The following GRID2 variants were observed in gnomAD, a reference collection of about 807,000 sequenced individuals.
GRID2 encodes the protein glutamate ionotropic receptor delta type subunit 2, also known as glutamate receptor ionotropic, delta-2.
GRID2 carries 33 observed loss-of-function variants against 114.8 expected under a neutral mutation model. The ratio of observed to expected loss-of-function variants is 0.29; its 90% CI spans 0.22 to 0.38. The LOEUF (loss-of-function observed/expected upper bound fraction) is 0.38. GRID2 is among the 10% of genes least tolerant of loss of function. The probability of loss-of-function intolerance (pLI) is 1.00; values close to 1 mark genes in which losing one functional copy is unlikely to be tolerated. For synonymous variants in GRID2, 505 were observed against 449.9 expected, an observed-to-expected ratio of 1.12 and a Z score of -1.55; for missense variants, 1,184 against 1,257.7, an observed-to-expected ratio of 0.94 and a Z score of 0.89.
chr4:93,507,874 G>T lies in GRID2; in HGVS notation c.1998-7342G>T, dbSNP rs113645390. Among the ~76,000 whole-genome samples, 354 of 152,244 alleles carry T rather than the reference G, an allele frequency of 2.3e-3. 2 individuals are homozygous for T. Among genetic ancestry groups the T allele is most frequent in the African/African-American group, 8.0e-3 (331 of 41,552 alleles). Reference sequence around the variant, plus strand: ...CATATGTGGCAAAATATTATGACAGGCAATTCACTGGAGGTTCAATGAAGC... The same window carrying T: ...CATATGTGGCAAAATATTATGACAGTCAATTCACTGGAGGTTCAATGAAGC... On this transcript the variant is annotated intron_variant, in intron 12 of 15. Transcript: ENST00000282020.
intron 2 of GRID2, among the ~76,000 whole-genome samples, chr4:93,058,392 T>C (rs1163915275): frequency 6.6e-6 from 1 of 152,004 alleles, no homozygotes; most frequent in Non-Finnish European, 1.5e-5. Context: ...TTTTAAATAT[T>C]TTTCTATTTT....
chr4:92,660,137 CAA>C (rs1179363832), intron 2 of GRID2, among the ~76,000 whole-genome samples: 6 of 151,224 alleles, frequency 4.0e-5, no homozygotes, highest in African/African-American at 1.5e-4. Context: ...ATCATGCATG[CAA>C]TATTCATTTT....
intron 1 of GRID2, among the ~76,000 whole-genome samples, chr4:93,780,117 T>G (rs577199644): frequency 2.0e-4 from 31 of 152,216 alleles, no homozygotes; most frequent in Non-Finnish European, 4.0e-4. Context: ...AGGTGGTAAG[T>G]GCTGTGGAGG....
chr4:92,579,099 G>A (rs1037416799), intron 1 of GRID2, among the ~76,000 whole-genome samples: 4 of 151,978 alleles, frequency 2.6e-5, no homozygotes, highest in Non-Finnish European at 4.4e-5. Flanking sequence ...TTTCCCTTAT[G>A]TACTTCAACT....
intron 8 of GRID2, chr4:93,258,910 AC>A (rs1293961387): frequency 2.2e-6 from 1 of 455,548 alleles, no homozygotes; most frequent in Non-Finnish European, 4.4e-6. Flanking sequence ...AAAGAATCAG[AC>A]CACAGGGCTC....
chr4:92,352,790 T>C (rs1413204460), intron 1 of GRID2, among the ~76,000 whole-genome samples: 1 of 151,858 alleles, frequency 6.6e-6, no homozygotes, highest in Non-Finnish European at 1.5e-5. Flanking sequence ...GTAGCAGGTG[T>C]TCTTTGTCTG....
chr4:92,764,032 G>A (rs1738145237), intron 2 of GRID2, among the ~76,000 whole-genome samples: 1 of 152,170 alleles, frequency 6.6e-6, no homozygotes, highest in African/African-American at 2.4e-5. Flanking sequence ...AGACTCATCA[G>A]GAACCAGCCT....
chr4:92,796,738 T>C (rs145372288), intron 2 of GRID2, among the ~76,000 whole-genome samples: 12 of 152,018 alleles, frequency 7.9e-5, no homozygotes, highest in African/African-American at 2.9e-4. Context: ...TCTCCTGATA[T>C]CATTCTGTAC....
intron 8 of GRID2, among the ~76,000 whole-genome samples, chr4:93,311,873 T>A (rs1756055743): frequency 6.6e-6 from 1 of 152,200 alleles, no homozygotes; most frequent in Non-Finnish European, 1.5e-5. Flanking sequence ...GTTTTGGTGA[T>A]GTTATTGAGG....
intron 2 of GRID2, among the ~76,000 whole-genome samples, chr4:92,642,581 T>A (rs2149254644): frequency 6.6e-6 from 1 of 152,002 alleles, no homozygotes; most frequent in African/African-American, 2.4e-5. Context: ...TTCCGTAGGT[T>A]GTCTGTTTAC....
intron 14 of GRID2, among the ~76,000 whole-genome samples, chr4:93,733,472 G>A (rs1484627673): frequency 6.6e-6 from 1 of 152,094 alleles, no homozygotes; most frequent in East Asian, 1.9e-4. Context: ...TAAAACAAAG[G>A]AGGATGTTTT....
chr4:93,225,568 T>TCTTTCTGCATGTATTTTC (rs1657571478), intron 7 of GRID2, among the ~76,000 whole-genome samples: 1 of 152,234 alleles, frequency 6.6e-6, no homozygotes, highest in African/African-American at 2.4e-5. Context: ...CCATCCTTTT[T>TCTTTCTGCATGTATTTTC]CTTTCTGCAT....
At chr4:92,430,458 T>C (rs903705277) in intron 1 of GRID2, among the ~76,000 whole-genome samples, 2 of 152,160 alleles carry the variant, frequency 1.3e-5, no homozygotes, top group Admixed American at 1.3e-4. Flanking sequence ...TTCTGTTCTA[T>C]TGGTCCATGT....
intron 2 of GRID2, among the ~76,000 whole-genome samples, chr4:93,074,793 G>A (rs553741383): frequency 8.5e-5 from 13 of 152,166 alleles, no homozygotes; most frequent in East Asian, 3.9e-4. Flanking sequence ...TATCAGTATC[G>A]TATAAAGAGA....
intron 13 of GRID2, among the ~76,000 whole-genome samples, chr4:93,604,246 C>T (rs1231026711): frequency 6.6e-6 from 1 of 152,136 alleles, no homozygotes; most frequent in Non-Finnish European, 1.5e-5. Flanking sequence ...TTCCAACCCC[C>T]ATAGATGACT....
At chr4:92,743,468 CAG>C (rs1736997066) in intron 2 of GRID2, among the ~76,000 whole-genome samples, 1 of 151,944 alleles carries the variant, frequency 6.6e-6, no homozygotes, top group African/African-American at 2.4e-5. Context: ...TTTAGAAAGA[CAG>C]AGTTGACAGC....
rs370704061 is a variant in GRID2 at position 92,595,224 on chromosome 4, A to G, written c.244+4938A>G. Among the ~76,000 whole-genome samples the G allele has an allele frequency of 2.0e-5, 3 of 151,958 alleles. No individual in the cohort carries two copies. The East Asian group carries it at 5.8e-4, about 29-fold the overall frequency. The stretch of plus-strand genomic sequence containing the variant: ...ATGTATTAAACTATAATACTTTTTT[A>G]TGTATTGCAAAACATTATAAACAAT... On this transcript the variant is annotated intron_variant, in intron 2 of 15. Coordinates refer to ENST00000282020, the MANE Select transcript of GRID2 (RefSeq NM_001510.4).
At chr4:92,492,740 G>A (rs1455038320) in intron 1 of GRID2, among the ~76,000 whole-genome samples, 1 of 152,072 alleles carries the variant, frequency 6.6e-6, no homozygotes, top group Non-Finnish European at 1.5e-5. Flanking sequence ...TAGGTATTAA[G>A]GAGTCATATC....
intron 4 of GRID2, among the ~76,000 whole-genome samples, chr4:93,157,573 C>G (rs961021502): frequency 6.6e-6 from 1 of 151,650 alleles, no homozygotes; most frequent in Non-Finnish European, 1.5e-5. Context: ...AAACGCTGCA[C>G]AAAACTAGTT....
Sources: gnomAD v4.1 joint callset for allele counts (sites outside exome capture counted in the v4.1 genomes callset) on GRCh38, gnomAD v4.1.1 for gene constraint, MANE v1.5 for transcripts, NCBI Gene and HGNC (gene_info 2026-07-23, HGNC 2026-07-21) for gene names.